Variants in TRIM9 observed in about 807,000 individuals in gnomAD.
The protein encoded by TRIM9 is E3 ubiquitin-protein ligase TRIM9.
A neutral mutation model predicts 78.3 loss-of-function variants in TRIM9; 26 were observed. The ratio of observed to expected loss-of-function variants is 0.33; its 90% confidence interval spans 0.24 to 0.46. TRIM9 has a LOEUF of 0.46. Ranked by LOEUF, TRIM9 falls within the 20% of genes least tolerant of loss-of-function variation. TRIM9 has a pLI of 1.00. For synonymous variants in TRIM9, 398 were observed against 416.5 expected (o/e 0.96, Z 0.54); for missense variants, 787 against 1,036.4 (o/e 0.76, Z 3.30).
intron 1 of TRIM9, among the ~76,000 whole-genome samples, chr14:51,043,023 G>A (rs766961444): frequency 6.6e-6 from 1 of 152,120 alleles, no homozygotes; most frequent in Non-Finnish European, 1.5e-5. Context: ...AGCATAACTT[G>A]CTTATAAGAG....
intron 3 of TRIM9, 120 bp from the exon 4 acceptor site, chr14:51,010,614 A>G: frequency 2.9e-6 from 2 of 690,232 alleles, no homozygotes; most frequent in Non-Finnish European, 4.9e-6. Flanking sequence ...ATGGAACTAA[A>G]TTTATGAGAA....
At chr14:51,014,848 C>G (rs2056982507) in intron 3 of TRIM9, among the ~76,000 whole-genome samples, 2 of 152,270 alleles carry the variant, frequency 1.3e-5, no homozygotes, top group South Asian at 4.1e-4. Flanking sequence ...AACCCCTTGG[C>G]ATCACGTATG....
chr14:51,075,844 C>T (rs952436611), intron 1 of TRIM9, among the ~76,000 whole-genome samples: 2 of 152,086 alleles, frequency 1.3e-5, no homozygotes, highest in African/African-American at 4.8e-5. Flanking sequence ...GGTGTAAAAC[C>T]CACTGAATGC....
chr14:51,081,839 G>T (rs1161387716), intron 1 of TRIM9, among the ~76,000 whole-genome samples: 1 of 152,218 alleles, frequency 6.6e-6, no homozygotes, highest in Non-Finnish European at 1.5e-5. Context: ...GGTACTAGGG[G>T]AAGGGTGGCG....
At chr14:51,075,563 C>T (rs1268455102) in intron 1 of TRIM9, among the ~76,000 whole-genome samples, 2 of 152,162 alleles carry the variant, frequency 1.3e-5, no homozygotes, top group African/African-American at 4.8e-5. Context: ...GGCTGCATTT[C>T]GGAAGCACTC....
At chr14:50,979,613 T>A in intron 11 of TRIM9, 64 bp from the exon 12 acceptor site, 1 of 1,403,046 alleles carries the variant, frequency 7.1e-7, no homozygotes, top group Non-Finnish European at 9.9e-7. Context: ...TCCCCCCTTT[T>A]GTGTGGTGAA....
At chr14:51,031,372 A>G (rs1300129933) in intron 1 of TRIM9, among the ~76,000 whole-genome samples, 1 of 152,108 alleles carries the variant, frequency 6.6e-6, no homozygotes, top group Non-Finnish European at 1.5e-5. Context: ...CAAGGCTGCC[A>G]AAAGAATTCG....
At chr14:51,060,204 G>A (rs977945143) in intron 1 of TRIM9, among the ~76,000 whole-genome samples, 1 of 152,164 alleles carries the variant, frequency 6.6e-6, no homozygotes, top group Non-Finnish European at 1.5e-5. Context: ...TTTATGTGGT[G>A]AGAATCTCAA....
intron 1 of TRIM9, among the ~76,000 whole-genome samples, chr14:51,042,430 T>A (rs2059643219): frequency 1.3e-5 from 2 of 152,214 alleles, no homozygotes; most frequent in Non-Finnish European, 2.9e-5. Flanking sequence ...TTCAGTGAAA[T>A]TCACTCACAT....
intron 4 of TRIM9, among the ~76,000 whole-genome samples, chr14:51,009,841 T>C (rs530935656): frequency 1.1e-4 from 17 of 152,364 alleles, no homozygotes; most frequent in African/African-American, 3.8e-4. Flanking sequence ...TTCCTTATCA[T>C]TGGGATCAAA....
At chr14:51,027,240 T>C (rs1225468137) in intron 1 of TRIM9, among the ~76,000 whole-genome samples, 1 of 147,774 alleles carries the variant, frequency 6.8e-6, no homozygotes, top group Non-Finnish European at 1.5e-5. Context: ...GCCTCCCAGG[T>C]TCAAGCGATT....
At chr14:51,064,489 T>C (rs1387844800) in intron 1 of TRIM9, among the ~76,000 whole-genome samples, 1 of 141,922 alleles carries the variant, frequency 7.0e-6, no homozygotes, top group Non-Finnish European at 1.6e-5. Flanking sequence ...GTATTTTAAA[T>C]ATAAAGAATC....
At chr14:50,998,275 A>C (rs2054488038) in intron 6 of TRIM9, 87 bp from the exon 7 acceptor site, 1 of 1,293,002 alleles carries the variant, frequency 7.7e-7, no homozygotes, top group Admixed American at 1.9e-5. Context: ...GTTAGGAGCA[A>C]GAGCCCTGGT....
At chr14:51,019,545 G>T (rs570942303) in intron 3 of TRIM9, among the ~76,000 whole-genome samples, 1 of 152,160 alleles carries the variant, frequency 6.6e-6, no homozygotes, top group African/African-American at 2.4e-5. Context: ...AATCTCCCAG[G>T]TTCATGGATA....
chr14:51,051,899 G>T (rs1331743498), intron 1 of TRIM9, among the ~76,000 whole-genome samples: 1 of 151,968 alleles, frequency 6.6e-6, no homozygotes, highest in Non-Finnish European at 1.5e-5. Context: ...CCCAGGAGAT[G>T]GAGGTTGCAG....
At chr14:51,042,639 T>C (rs2059657858) in intron 1 of TRIM9, among the ~76,000 whole-genome samples, 1 of 152,240 alleles carries the variant, frequency 6.6e-6, no homozygotes. Context: ...ATTATCTTTT[T>C]AGGATGAAGT....
chr14:50,999,634 G>A (rs1189231550), intron 6 of TRIM9, among the ~76,000 whole-genome samples: 1 of 152,158 alleles, frequency 6.6e-6, no homozygotes, highest in African/African-American at 2.4e-5. Flanking sequence ...GAAAGCTAGT[G>A]GCTCAGGTTT....
chr14:51,037,867 G>A (rs1049025399), intron 1 of TRIM9, among the ~76,000 whole-genome samples: 4 of 152,058 alleles, frequency 2.6e-5, no homozygotes, highest in Non-Finnish European at 5.9e-5. Flanking sequence ...AGCCGTTCTT[G>A]TTACATGTAC....
At chr14:50,977,589 C>A (rs906618628) in intron 12 of TRIM9, among the ~76,000 whole-genome samples, 4 of 152,162 alleles carry the variant, frequency 2.6e-5, no homozygotes, top group African/African-American at 7.2e-5. Flanking sequence ...TAGTCACCTG[C>A]CTCTTTTAAA....
Sources: allele counts gnomAD v4.1 joint callset (sites outside exome capture counted in the v4.1 genomes callset), GRCh38; gene constraint gnomAD v4.1.1; transcripts MANE v1.5; gene names NCBI Gene and HGNC (gene_info 2026-07-23, HGNC 2026-07-21).